THSD4: variants seen among roughly 807,000 people sequenced by gnomAD.
The protein encoded by THSD4 is thrombospondin type-1 domain-containing protein 4.
A neutral mutation model predicts 119.0 loss-of-function variants in THSD4; 69 were observed. The ratio of observed to expected loss-of-function variants is 0.58; its 90% confidence interval spans 0.48 to 0.71. The LOEUF (loss-of-function observed/expected upper bound fraction) is 0.71, where lower values mean the gene tolerates loss of function less well. Among genes scored for constraint, THSD4 ranks in the 30% least tolerant of loss-of-function variants. The pLI, the probability that THSD4 is intolerant of heterozygous loss-of-function variation, is 0.00. For missense variants in THSD4, 1,393 were observed against 1,391.1 expected (o/e 1.00, Z -0.02); for synonymous variants, 524 against 540.4 (o/e 0.97, Z 0.42).
intron 6 of THSD4, among the ~76,000 whole-genome samples, chr15:71,329,065 A>C (rs960438048): frequency 4.6e-5 from 7 of 152,216 alleles, no homozygotes; most frequent in African/African-American, 7.2e-5. Flanking sequence ...CATCTGAGAA[A>C]TACCAAGCCT....
chr15:71,152,457 T>C (rs927237462), intron 2 of THSD4, among the ~76,000 whole-genome samples: 1 of 151,450 alleles, frequency 6.6e-6, no homozygotes, highest in Admixed American at 6.6e-5. Flanking sequence ...AAAAGGAAAG[T>C]CTAGTCAGAT....
At chr15:71,355,038 G>A (rs1467851851) in intron 6 of THSD4, among the ~76,000 whole-genome samples, 1 of 152,172 alleles carries the variant, frequency 6.6e-6, no homozygotes, top group Non-Finnish European at 1.5e-5. Context: ...TAACATGGAA[G>A]CATTACAAAT....
At chr15:71,435,993 A>T (rs1244361619) in intron 7 of THSD4, among the ~76,000 whole-genome samples, 1 of 152,216 alleles carries the variant, frequency 6.6e-6, no homozygotes. Context: ...TAGCTACTGG[A>T]CGTGACCTGA....
chr15:71,253,412 CTT>C (rs59312325), intron 5 of THSD4, among the ~76,000 whole-genome samples: 1 of 145,568 alleles, frequency 6.9e-6, no homozygotes, highest in African/African-American at 2.5e-5. Flanking sequence ...TACATTGTCA[CTT>C]TTTTTTTTTT....
chr15:71,233,968 A>G (rs1475843511), intron 4 of THSD4, among the ~76,000 whole-genome samples: 1 of 152,212 alleles, frequency 6.6e-6, no homozygotes, highest in Admixed American at 6.5e-5. Flanking sequence ...CAGGCTTGGC[A>G]AAGGAAGCAA....
At chr15:71,281,050 C>T (rs1014272717) in intron 6 of THSD4, among the ~76,000 whole-genome samples, 3 of 152,160 alleles carry the variant, frequency 2.0e-5, no homozygotes, top group Non-Finnish European at 4.4e-5. Flanking sequence ...ATAGATACGC[C>T]CCATGTCCCT....
chr15:71,698,171 C>G (rs1241247155), intron 8 of THSD4, among the ~76,000 whole-genome samples: 1 of 152,264 alleles, frequency 6.6e-6, no homozygotes, highest in Non-Finnish European at 1.5e-5. Context: ...ATGTTGGAGC[C>G]ACACAGATAA....
At chr15:71,295,765 G>T (rs1439440864) in intron 6 of THSD4, among the ~76,000 whole-genome samples, 1 of 151,810 alleles carries the variant, frequency 6.6e-6, no homozygotes, top group Non-Finnish European at 1.5e-5. Context: ...GCAACTATCA[G>T]CATAAATCAG....
At chr15:71,475,125 G>A (rs2047638343) in intron 7 of THSD4, among the ~76,000 whole-genome samples, 1 of 152,120 alleles carries the variant, frequency 6.6e-6, no homozygotes, top group Non-Finnish European at 1.5e-5. Flanking sequence ...TTCCTCTTAT[G>A]CCCTAACCTA....
chr15:71,193,970 C>G (rs929524558), intron 3 of THSD4, among the ~76,000 whole-genome samples: 4 of 152,190 alleles, frequency 2.6e-5, no homozygotes, highest in African/African-American at 9.6e-5. Context: ...CTCCGCCTCC[C>G]AAAGTGCTGG....
chr15:71,168,555 T>A (rs1215600420), intron 3 of THSD4, among the ~76,000 whole-genome samples: 1 of 152,234 alleles, frequency 6.6e-6, no homozygotes, highest in Non-Finnish European at 1.5e-5. Flanking sequence ...ACTGCTTTTT[T>A]AACCTGTTAT....
At chr15:71,255,975 T>G (rs995973258) in intron 5 of THSD4, among the ~76,000 whole-genome samples, 1 of 152,076 alleles carries the variant, frequency 6.6e-6, no homozygotes, top group Non-Finnish European at 1.5e-5. Flanking sequence ...AACTGATTTG[T>G]CAGAAGTAGA....
At chr15:71,582,958 T>C (rs750076500) in intron 7 of THSD4, among the ~76,000 whole-genome samples, 2 of 152,140 alleles carry the variant, frequency 1.3e-5, no homozygotes, top group East Asian at 3.8e-4. Flanking sequence ...AGTTTGGAAA[T>C]GCTCTCTCCC....
At chr15:71,746,233 GT>G (rs201941624) in intron 12 of THSD4, among the ~76,000 whole-genome samples, 47 of 149,060 alleles carry the variant, frequency 3.2e-4, no homozygotes, top group South Asian at 8.5e-4. Flanking sequence ...ACCTTTGGAG[GT>G]TTTTTTTTTA....
intron 6 of THSD4, among the ~76,000 whole-genome samples, chr15:71,296,585 C>G (rs148636716): frequency 1.2e-4 from 18 of 152,294 alleles, no homozygotes; most frequent in African/African-American, 4.3e-4. Flanking sequence ...GTTGGCCAAG[C>G]AGCGTGCATA....
chr15:71,206,292 A>G (rs533662657), intron 3 of THSD4, among the ~76,000 whole-genome samples: 3 of 152,208 alleles, frequency 2.0e-5, no homozygotes, highest in African/African-American at 7.2e-5. Flanking sequence ...GATTACAGGC[A>G]TGAGCCACCG....
chr15:71,539,451 T>C (rs2048729091), intron 7 of THSD4, among the ~76,000 whole-genome samples: 1 of 152,210 alleles, frequency 6.6e-6, no homozygotes, highest in African/African-American at 2.4e-5. Context: ...GAATACACAT[T>C]CTTTGCAGGA....
intron 1 of THSD4, among the ~76,000 whole-genome samples, chr15:71,123,504 G>T (rs529816472): frequency 1.3e-5 from 2 of 152,204 alleles, no homozygotes; most frequent in Non-Finnish European, 2.9e-5. Context: ...CTGTTGTGCA[G>T]GTGAACACTA....
chr15:71,308,943 G>T (rs2045072629), intron 6 of THSD4, among the ~76,000 whole-genome samples: 2 of 152,084 alleles, frequency 1.3e-5, no homozygotes, highest in African/African-American at 4.8e-5. Context: ...CTAGTGGGGA[G>T]TGAAGTGGTT....
Sources: gnomAD v4.1 joint callset for allele counts (sites outside exome capture counted in the v4.1 genomes callset) on GRCh38, gnomAD v4.1.1 for gene constraint, MANE v1.5 for transcripts, NCBI Gene and HGNC (gene_info 2026-07-23, HGNC 2026-07-21) for gene names.